STAU2: variants seen among roughly 807,000 people sequenced by gnomAD.
The protein encoded by STAU2 is double-stranded RNA-binding protein Staufen homolog 2.
In STAU2, 20 loss-of-function variants were observed where a neutral mutation model predicts 65.9. The ratio of observed to expected loss-of-function variants is 0.30; its 90% CI spans 0.21 to 0.44. The LOEUF is 0.44. STAU2 is among the 20% of genes least tolerant of loss of function. The pLI is 1.00. For synonymous variants in STAU2, 232 were observed against 233.9 expected, an observed-to-expected ratio of 0.99 and a Z score of 0.07; for missense variants, 558 against 683.9, an observed-to-expected ratio of 0.82 and a Z score of 2.05.
chr8:73,725,749 A>G (rs1213275825), intron 3 of STAU2, among the ~76,000 whole-genome samples: 2 of 152,210 alleles, frequency 1.3e-5, no homozygotes, highest in Admixed American at 6.5e-5. Context: ...CCTGAGCAAC[A>G]TGGCAAAACA....
intron 6 of STAU2, among the ~76,000 whole-genome samples, chr8:73,664,196 C>G (rs186694461): frequency 8.1e-4 from 124 of 152,212 alleles, no homozygotes; most frequent in African/African-American, 2.8e-3. Context: ...GGACTAGAGG[C>G]ACACGCCAAC....
chr8:73,719,281 T>C (rs987150507), intron 3 of STAU2, among the ~76,000 whole-genome samples: 11 of 151,976 alleles, frequency 7.2e-5, no homozygotes, highest in African/African-American at 2.4e-4. Context: ...GGCGGGTGTC[T>C]GTAGTCCCAG....
At chr8:73,682,703 A>G (rs1448945799) in intron 5 of STAU2, among the ~76,000 whole-genome samples, 1 of 152,162 alleles carries the variant, frequency 6.6e-6, no homozygotes, top group South Asian at 2.1e-4. Context: ...GATAAACAAA[A>G]TTGATAGAAC....
chr8:73,611,926 C>G (rs143763075), intron 9 of STAU2, among the ~76,000 whole-genome samples: 3 of 152,142 alleles, frequency 2.0e-5, no homozygotes, highest in Non-Finnish European at 4.4e-5. Context: ...AAATGATCCA[C>G]CCGCCTCAGC....
intron 6 of STAU2, among the ~76,000 whole-genome samples, chr8:73,641,451 G>C (rs1223363423): frequency 1.3e-5 from 2 of 152,088 alleles, no homozygotes; most frequent in African/African-American, 4.8e-5. Context: ...AAACTCAAAG[G>C]ACAAAGTTGT....
chr8:73,447,660 C>CA (rs1207781641), intron 13 of STAU2, among the ~76,000 whole-genome samples: 4 of 152,200 alleles, frequency 2.6e-5, no homozygotes, highest in Non-Finnish European at 4.4e-5. Context: ...GCTGCATCCC[C>CA]AAGGGCCTGG....
At chr8:73,719,778 TA>T (rs1237749881) in intron 3 of STAU2, among the ~76,000 whole-genome samples, 1 of 152,218 alleles carries the variant, frequency 6.6e-6, no homozygotes, top group Non-Finnish European at 1.5e-5. Flanking sequence ...GTAATTTCCT[TA>T]AAATGTATTT....
At chr8:73,478,315 A>AAC (rs1045741883) in intron 13 of STAU2, among the ~76,000 whole-genome samples, 1 of 151,420 alleles carries the variant, frequency 6.6e-6, no homozygotes, top group Admixed American at 6.6e-5. Flanking sequence ...TAAAAAAAAA[A>AAC]AAAAAAAAAA....
chr8:73,727,572 T>C (rs1435321557), intron 3 of STAU2, among the ~76,000 whole-genome samples: 2 of 152,250 alleles, frequency 1.3e-5, no homozygotes, highest in African/African-American at 2.4e-5. Flanking sequence ...TGCTAGACAA[T>C]TTATGGAATA....
chr8:73,489,738 G>A (rs967354195), intron 13 of STAU2, among the ~76,000 whole-genome samples: 8 of 152,026 alleles, frequency 5.3e-5, no homozygotes, highest in Non-Finnish European at 1.0e-4. Context: ...CTGAAATTCA[G>A]ATAGCTCTGA....
chr8:73,481,028 G>A (rs1417469093), intron 13 of STAU2, among the ~76,000 whole-genome samples: 1 of 152,026 alleles, frequency 6.6e-6, no homozygotes, highest in African/African-American at 2.4e-5. Context: ...CATATATGCT[G>A]TTTTATTTCA....
At chr8:73,525,244 A>C (rs1823287601) in intron 13 of STAU2, among the ~76,000 whole-genome samples, 1 of 152,192 alleles carries the variant, frequency 6.6e-6, no homozygotes, top group South Asian at 2.1e-4. Flanking sequence ...TATTTGCTTT[A>C]ATATAAAAAT....
At chr8:73,562,486 T>TAGAG (rs1164326657) in intron 12 of STAU2, among the ~76,000 whole-genome samples, 2 of 151,406 alleles carry the variant, frequency 1.3e-5, no homozygotes, top group Non-Finnish European at 1.5e-5. Flanking sequence ...TTAAAAAAGA[T>TAGAG]AGAGAGAGAG....
At chr8:73,707,280 T>C (rs1278901929) in intron 4 of STAU2, among the ~76,000 whole-genome samples, 2 of 152,230 alleles carry the variant, frequency 1.3e-5, no homozygotes, top group Middle Eastern at 3.4e-3. Context: ...GAAAGGACTG[T>C]GGAAGTCAAA....
chr8:73,471,278 T>A (rs1371140202), intron 13 of STAU2, among the ~76,000 whole-genome samples: 1 of 149,392 alleles, frequency 6.7e-6, no homozygotes. Context: ...GCTCAAGCAA[T>A]CCTCCAGCCT....
chr8:73,528,501 T>A (rs1805591176), intron 13 of STAU2, among the ~76,000 whole-genome samples: 1 of 152,170 alleles, frequency 6.6e-6, no homozygotes, highest in African/African-American at 2.4e-5. Context: ...TTAAGAAAAT[T>A]TCCATCCTTC....
chr8:73,640,197 C>T (rs7837179), intron 6 of STAU2, among the ~76,000 whole-genome samples: 41,874 of 151,326 alleles, frequency 0.28, 6,285 homozygotes, highest in East Asian at 0.46. Context: ...TATAATAATA[C>T]ACATCATATA....
At chr8:73,629,332 C>T (rs1332574697) in intron 6 of STAU2, among the ~76,000 whole-genome samples, 3 of 152,154 alleles carry the variant, frequency 2.0e-5, no homozygotes, top group Non-Finnish European at 4.4e-5. Context: ...ATGCTGGCTC[C>T]AACACATCAT....
At chr8:73,604,193 GGGA>G (rs1159104325) in intron 9 of STAU2, among the ~76,000 whole-genome samples, 1 of 152,020 alleles carries the variant, frequency 6.6e-6, no homozygotes, top group African/African-American at 2.4e-5. Context: ...ACCATGAACT[GGGA>G]GGAGATCTCT....
Sources: allele counts gnomAD v4.1 joint callset (sites outside exome capture counted in the v4.1 genomes callset), GRCh38; gene constraint gnomAD v4.1.1; transcripts MANE v1.5; gene names NCBI Gene and HGNC (gene_info 2026-07-23, HGNC 2026-07-21).